FBXW10: variants seen among roughly 807,000 people sequenced by gnomAD.
FBXW10 encodes the protein F-box and WD repeat domain containing 10.
A neutral mutation model predicts 113.1 loss-of-function variants in FBXW10; 68 were observed. The ratio of observed to expected loss-of-function variants is 0.60; its 90% confidence interval spans 0.49 to 0.74. The LOEUF is 0.74. Ranked by LOEUF, FBXW10 falls within the 30% of genes least tolerant of loss-of-function variation. The pLI, the probability that FBXW10 is intolerant of heterozygous loss-of-function variation, is 0.00. For missense variants in FBXW10, 753 were observed against 1,284.5 expected, an observed-to-expected ratio of 0.59 and a Z score of 6.32; for synonymous variants, 289 against 481.6, an observed-to-expected ratio of 0.60 and a Z score of 5.24.
chr17:18,753,839 ACCACT>A (rs996939597), intron 5 of FBXW10, among the ~76,000 whole-genome samples: 2 of 151,782 alleles, frequency 1.3e-5, no homozygotes, highest in South Asian at 2.1e-4. Context: ...ACGCCACTGC[ACCACT>A]CCAGCCTGGG....
chr17:18,752,539 C>G (rs1297605065), intron 5 of FBXW10, among the ~76,000 whole-genome samples: 2 of 151,934 alleles, frequency 1.3e-5, no homozygotes, highest in Admixed American at 1.3e-4. Context: ...ATAGTGAAAC[C>G]CTGTCTCTAC....
chr17:18,750,342 G>A (rs554860994), intron 4 of FBXW10, among the ~76,000 whole-genome samples: 4 of 152,268 alleles, frequency 2.6e-5, no homozygotes, highest in South Asian at 2.1e-4. Context: ...CATCTCACAA[G>A]GACAATAGGG....
intron 9 of FBXW10, among the ~76,000 whole-genome samples, chr17:18,767,822 C>T (rs1471664268): frequency 8.6e-5 from 13 of 151,918 alleles, no homozygotes; most frequent in African/African-American, 3.1e-4. Flanking sequence ...ACCTTACCTT[C>T]GTCCTTCTCA....
chr17:18,774,433 G>A (rs1045426431), intron 12 of FBXW10, among the ~76,000 whole-genome samples: 3 of 152,218 alleles, frequency 2.0e-5, no homozygotes, highest in Non-Finnish European at 2.9e-5. Context: ...GTGTTTGGTA[G>A]AAAAATACAG....
intron 2 of FBXW10, 31 bp downstream of exon 2, chr17:18,748,136 T>C: frequency 6.2e-7 from 1 of 1,613,016 alleles, no homozygotes; most frequent in Non-Finnish European, 8.5e-7. Flanking sequence ...AAAGCCAATA[T>C]GGGCTAGGTG....
chr17:18,773,455 G>A (rs2035652380), intron 12 of FBXW10, among the ~76,000 whole-genome samples: 1 of 152,182 alleles, frequency 6.6e-6, no homozygotes, highest in Non-Finnish European at 1.5e-5. Flanking sequence ...GATAATGTTT[G>A]TAGCTGGAAA....
rs1334734555 is a variant in FBXW10, at chr17:18,744,610, G to C, written c.366G>C (p.Leu122Phe). 1 of 1,614,012 alleles carries C rather than the reference G, an allele frequency of 6.2e-7. No individual in the cohort carries two copies. The highest frequency in any genetic ancestry group is 1.7e-5 in the Admixed American group (1 of 60,030). Reference sequence around the variant, plus strand: ...TAGAACAGAAGATGAAAGAGATCTTGTACTGGTTTGCGAACAGCACCCAGT... The same window carrying C: ...TAGAACAGAAGATGAAAGAGATCTTCTACTGGTTTGCGAACAGCACCCAGT... The part of the protein sequence containing the change: ...KTVEQKMKEI[L>F]YWFANSTQWT... The change falls in exon 1 of 14, where the codon TTG (leucine) becomes TTC (phenylalanine). Residue 122 changes from leucine to phenylalanine, a missense_variant. Leu to Phe is a conservative substitution (Grantham distance 22). Transcript: ENST00000395665.
At chr17:18,771,177 G>A (rs1341809352) in intron 11 of FBXW10, among the ~76,000 whole-genome samples, 1 of 151,168 alleles carries the variant, frequency 6.6e-6, no homozygotes, top group Non-Finnish European at 1.5e-5. Context: ...TTTTTCTTTC[G>A]GCTTGAGTGA....
At position 18,751,757 on chromosome 17, in the gene FBXW10, G is replaced by A. The variant is rs184019674; in HGVS notation, c.1122+704G>A. Among the ~76,000 whole-genome samples, 562 of 152,332 alleles carry A rather than the reference G, an allele frequency of 3.7e-3. 4 individuals carry two copies. The highest frequency in any genetic ancestry group is 0.013 in the African/African-American group (531 of 41,572). ...GGAATTTGAGGAGGACCCGAGGGGAGGGCCAGGGCTGGTTCCAGAATGCCT... is the reference window on the plus strand; with the variant it reads ...GGAATTTGAGGAGGACCCGAGGGGAAGGCCAGGGCTGGTTCCAGAATGCCT... On this transcript the variant is annotated intron_variant, in intron 5 of 13. Transcript: ENST00000395665.
At chr17:18,764,345 G>A (rs1387069417) in intron 7 of FBXW10, among the ~76,000 whole-genome samples, 4 of 151,734 alleles carry the variant, frequency 2.6e-5, no homozygotes, top group African/African-American at 9.7e-5. Flanking sequence ...GGGACTACAG[G>A]TGCACACCAC....
intron 13 of FBXW10, among the ~76,000 whole-genome samples, chr17:18,777,261 T>G (rs2035719861): frequency 6.6e-6 from 1 of 151,766 alleles, no homozygotes. Context: ...ACGGGTTTTC[T>G]CCATGTTGGT....
chr17:18,766,124 T>G (rs1193556290), intron 8 of FBXW10, among the ~76,000 whole-genome samples: 1 of 152,080 alleles, frequency 6.6e-6, no homozygotes, highest in Non-Finnish European at 1.5e-5. Context: ...ACAGTCTGTG[T>G]TGAAGCAGCA....
At chr17:18,764,220 T>TTTC (rs1321349251) in intron 7 of FBXW10, among the ~76,000 whole-genome samples, 1 of 148,686 alleles carries the variant, frequency 6.7e-6, no homozygotes, top group Non-Finnish European at 1.5e-5. Flanking sequence ...TTTTTTTTTT[T>TTTC]GAGACAGAGT....
chr17:18,762,983 C>T (rs1261104248), intron 7 of FBXW10, among the ~76,000 whole-genome samples: 2 of 148,986 alleles, frequency 1.3e-5, no homozygotes, highest in Non-Finnish European at 3.0e-5. Context: ...ACTGTGCCAT[C>T]ATTCAATGCA....
rs140032131 is a variant in FBXW10 at position 18,764,200 on chromosome 17, CTTTTTTTTT to C, written c.1434-530_1434-522del. 3.4e-5 allele frequency among the ~76,000 whole-genome samples: 4 copies of C among 116,608 alleles called. No individual in the cohort carries two copies. The East Asian group carries it at 9.6e-4, about 28-fold the overall frequency. 76.5% of individuals were successfully genotyped at this position (116,608 alleles called of 152,430 possible). ...ACAAAAACCCTATGATGTAAATACT[CTTTTTTTTT>C]TTTTTTTTTTTGAGACAGAGTCTCG... On this transcript the variant is annotated intron_variant, in intron 7 of 13. Coordinates refer to ENST00000395665, the MANE Select transcript of FBXW10 (RefSeq NM_001267585.2).
At chr17:18,771,181 T>C (rs2151827821) in intron 11 of FBXW10, among the ~76,000 whole-genome samples, 1 of 152,150 alleles carries the variant, frequency 6.6e-6, no homozygotes, top group East Asian at 1.9e-4. Flanking sequence ...TCTTTCGGCT[T>C]GAGTGAACGT....
chr17:18,754,900 G>T (rs1262912449), intron 5 of FBXW10, among the ~76,000 whole-genome samples: 1 of 152,162 alleles, frequency 6.6e-6, no homozygotes, highest in South Asian at 2.1e-4. Context: ...ACATTTTGTG[G>T]GGCAAGGGAT....
In FBXW10 at chr17:18,766,793, C is replaced by T. The variant is rs1448338172; in HGVS notation, c.1635C>T (p.Thr545=). 6.2e-7 allele frequency: 1 copy of T among 1,612,072 alleles called. No individual in the cohort carries two copies. The highest frequency in any genetic ancestry group is 1.3e-5 in the African/African-American group (1 of 74,834). ...TCTTGGCCACCAGGATCAATGATAC[C>T]TACATTGTGAGCAGCTGTGAGCGAG... ...DPILATRIND[T]YIVSSCERGL... is the part of the protein sequence containing the mutation. Residue 545 remains threonine, a synonymous_variant, in exon 9 of 14, where the codon ACC becomes ACT. Coordinates refer to ENST00000395665, the MANE Select transcript of FBXW10 (RefSeq NM_001267585.2).
intron 12 of FBXW10, 58 bp downstream of exon 12, chr17:18,772,741 G>A: frequency 2.1e-6 from 3 of 1,440,458 alleles, no homozygotes; most frequent in Non-Finnish European, 1.9e-6. Context: ...GTCGGGGTTT[G>A]GTGGGGGTGG....
Sources: gnomAD v4.1 joint callset for allele counts (sites outside exome capture counted in the v4.1 genomes callset) on GRCh38, gnomAD v4.1.1 for gene constraint, MANE v1.5 for transcripts, NCBI Gene and HGNC (gene_info 2026-07-23, HGNC 2026-07-21) for gene names.